The following SLC14A2 variants were observed in gnomAD, a reference collection of about 807,000 sequenced individuals.
SLC14A2 encodes solute carrier family 14 member 2.
In SLC14A2, 91 loss-of-function variants were observed where a neutral mutation model predicts 104.6. The observed-to-expected ratio is 0.87, with a 90% confidence interval of 0.73 to 1.04. The LOEUF (loss-of-function observed/expected upper bound fraction) is 1.04, where lower values mean the gene tolerates loss of function less well. SLC14A2 is among the 50% of genes least tolerant of loss of function. The probability of loss-of-function intolerance (pLI) is 0.00; values close to 1 mark genes in which losing one functional copy is unlikely to be tolerated. For synonymous variants in SLC14A2, 476 were observed against 466.4 expected, an observed-to-expected ratio of 1.02 and a Z score of -0.27; for missense variants, 1,189 against 1,156.0, an observed-to-expected ratio of 1.03 and a Z score of -0.41.
At chr18:45,225,887 G>A (rs950281889) in intron 1 of SLC14A2, among the ~76,000 whole-genome samples, 4 of 152,044 alleles carry the variant, frequency 2.6e-5, no homozygotes, top group Admixed American at 2.0e-4. Context: ...AGGAGATTTT[G>A]GGCTGAGACA....
chr18:45,468,087 C>A (rs1310173821), intron 1 of SLC14A2, among the ~76,000 whole-genome samples: 2 of 152,130 alleles, frequency 1.3e-5, no homozygotes, highest in Non-Finnish European at 2.9e-5. Context: ...AGGAGTAGTG[C>A]CTTCCGCTGG....
At chr18:45,397,684 C>A (rs2086050565) in intron 1 of SLC14A2, among the ~76,000 whole-genome samples, 1 of 152,132 alleles carries the variant, frequency 6.6e-6, no homozygotes, top group Non-Finnish European at 1.5e-5. Flanking sequence ...TCCCTCTTGT[C>A]AATTTTTGCT....
chr18:45,217,785 T>A (rs932375154), intron 1 of SLC14A2, among the ~76,000 whole-genome samples: 2 of 152,230 alleles, frequency 1.3e-5, no homozygotes, highest in East Asian at 3.8e-4. Context: ...AAAGTTAACA[T>A]GCTTAAAAAC....
chr18:45,192,447 T>C, the SLC14A2 span, among the ~76,000 whole-genome samples: 1 of 152,166 alleles, frequency 6.6e-6, no homozygotes, highest in African/African-American at 2.4e-5. Flanking sequence ...TTGGAGTACC[T>C]AGGATTAGAA....
chr18:45,638,447 T>C (rs2045461293), intron 6 of SLC14A2, among the ~76,000 whole-genome samples: 1 of 152,184 alleles, frequency 6.6e-6, no homozygotes. Flanking sequence ...GTACAAAATT[T>C]GGTCCAAAGG....
At chr18:45,392,498 T>C (rs1598749624) in intron 1 of SLC14A2, among the ~76,000 whole-genome samples, 1 of 152,352 alleles carries the variant, frequency 6.6e-6, no homozygotes. Context: ...GGTCAGAATG[T>C]AATAGCATAT....
chr18:45,581,726 T>C (rs1343044478), intron 2 of SLC14A2, among the ~76,000 whole-genome samples: 7 of 152,176 alleles, frequency 4.6e-5, no homozygotes, highest in Non-Finnish European at 8.8e-5. Flanking sequence ...GCTGTGTTGT[T>C]GTTGATATTG....
intron 1 of SLC14A2, among the ~76,000 whole-genome samples, chr18:45,621,642 C>T (rs1336200945): frequency 2.0e-5 from 3 of 152,222 alleles, no homozygotes; most frequent in African/African-American, 7.2e-5. Context: ...ACATGCCACA[C>T]ACTGTGCTAG....
intron 1 of SLC14A2, among the ~76,000 whole-genome samples, chr18:45,330,341 T>C (rs1290283727): frequency 6.6e-6 from 1 of 152,192 alleles, no homozygotes; most frequent in Non-Finnish European, 1.5e-5. Flanking sequence ...CACAGACAAT[T>C]GGTCACAGGC....
rs553868831 is a variant in SLC14A2, at chr18:45,542,709, G to T, written c.-35+59387G>T. ...CTTAGCTCAAATCTCTTACTTCACA[G>T]ATGAAGCATCTGAAACTGGGAGAGT... On this transcript the variant is annotated intron_variant, in intron 2 of 20. Coordinates refer to the SLC14A2 transcript ENST00000586448. Among the ~76,000 whole-genome samples, 3 of 152,112 alleles carry T rather than the reference G, an allele frequency of 2.0e-5. No homozygotes were observed. In the East Asian group the frequency reaches 5.8e-4, roughly 29 times the overall value.
intron 1 of SLC14A2, among the ~76,000 whole-genome samples, chr18:45,617,051 T>C (rs1162383247): frequency 6.6e-6 from 1 of 152,090 alleles, no homozygotes; most frequent in African/African-American, 2.4e-5. Context: ...GGAGCCGAGA[T>C]TGCGCCACTG....
chr18:45,599,900 G>T (rs553269860), intron 2 of SLC14A2, among the ~76,000 whole-genome samples: 9 of 152,134 alleles, frequency 5.9e-5, no homozygotes, highest in Non-Finnish European at 1.0e-4. Flanking sequence ...ATCAGATCTC[G>T]TGAGACTTAT....
At chr18:45,178,644 C>T in the SLC14A2 span, among the ~76,000 whole-genome samples, 1 of 152,140 alleles carries the variant, frequency 6.6e-6, no homozygotes, top group Non-Finnish European at 1.5e-5. Flanking sequence ...TTTTATCAAT[C>T]CCTTGTGTTG....
intron 2 of SLC14A2, among the ~76,000 whole-genome samples, chr18:45,484,576 C>G (rs2087561874): frequency 6.6e-6 from 1 of 152,170 alleles, no homozygotes; most frequent in Non-Finnish European, 1.5e-5. Context: ...ATCCCCTTCT[C>G]ATGGTTAAGG....
intron 1 of SLC14A2, among the ~76,000 whole-genome samples, chr18:45,243,245 CG>C (rs1240283503): frequency 1.3e-5 from 2 of 152,198 alleles, no homozygotes; most frequent in Non-Finnish European, 2.9e-5. Context: ...ATAATAGTCA[CG>C]ATTATTATTG....
intron 1 of SLC14A2, among the ~76,000 whole-genome samples, chr18:45,267,053 C>T (rs2084599352): frequency 6.6e-6 from 1 of 152,130 alleles, no homozygotes; most frequent in Non-Finnish European, 1.5e-5. Flanking sequence ...TCCAATCATA[C>T]TAGTAATGCA....
chr18:45,572,953 T>TTTTTA (rs1320737325), intron 2 of SLC14A2, among the ~76,000 whole-genome samples: 5 of 152,220 alleles, frequency 3.3e-5, no homozygotes, highest in Non-Finnish European at 7.3e-5. Context: ...GCATCATTGT[T>TTTTTA]ATTGTCACCA....
In SLC14A2 at chr18:45,235,796, C is replaced by CGT. The variant is rs1171773725; in HGVS notation, c.-125+22622_-125+22623dup. Among the ~76,000 whole-genome samples the CGT allele has an allele frequency of 5.5e-3, 630 of 114,282 alleles. 59 individuals carry two copies. Among genetic ancestry groups the CGT allele is most frequent in the African/African-American group, 0.019 (482 of 26,046 alleles). The allele number at this position is 114,282 out of a possible 152,430, so 75.0% of individuals were successfully genotyped here. A position where few individuals can be genotyped will look rare whatever the true frequency, so the allele number is the denominator to read the frequency against. Reference sequence around the variant, plus strand: ...TGAGTAGCATTCCAATGTGTATGCGCGTGTGTGTGTGTGTGTGTATATATA... The same window carrying CGT: ...TGAGTAGCATTCCAATGTGTATGCGCGTGTGTGTGTGTGTGTGTGTATATATA... On this transcript the variant is annotated intron_variant, in intron 1 of 20. Transcript: ENST00000586448.
chr18:45,655,724 C>T (rs2045825241), intron 10 of SLC14A2, among the ~76,000 whole-genome samples: 1 of 152,218 alleles, frequency 6.6e-6, no homozygotes, highest in Non-Finnish European at 1.5e-5. Flanking sequence ...TTGCTCAGAA[C>T]TTTCTATGGC....
Sources: gnomAD v4.1 joint callset for allele counts (sites outside exome capture counted in the v4.1 genomes callset) on GRCh38, gnomAD v4.1.1 for gene constraint, MANE v1.5 for transcripts, NCBI Gene and HGNC (gene_info 2026-07-23, HGNC 2026-07-21) for gene names.